Variants in CLN6 observed in about 807,000 individuals in gnomAD.
CLN6 encodes ceroid-lipofuscinosis neuronal protein 6.
In CLN6, 22 loss-of-function variants were observed where a neutral mutation model predicts 33.3. That is an observed-to-expected ratio of 0.66 (90% CI 0.47 to 0.94). CLN6 has a LOEUF of 0.94. CLN6 is among the 40% of genes least tolerant of loss of function. The probability of loss-of-function intolerance (pLI) is 0.00; values close to 1 mark genes in which losing one functional copy is unlikely to be tolerated. For missense variants in CLN6, 387 were observed against 417.1 expected, an observed-to-expected ratio of 0.93 and a Z score of 0.63; for synonymous variants, 201 against 174.6, an observed-to-expected ratio of 1.15 and a Z score of -1.19.
upstream of CLN6, among the ~76,000 whole-genome samples, chr15:68,232,403 C>A (rs957147012): frequency 6.6e-6 from 1 of 152,076 alleles, no homozygotes; most frequent in Non-Finnish European, 1.5e-5. This position sits in a 1 kb window ranked among gnomAD's most constrained non-coding sequence, Gnocchi z 4.7. Flanking sequence ...GTGATCTGCC[C>A]GCCTTAGTCT....
chr15:68,222,935 G>C (rs1017300479), intron 1 of CLN6, among the ~76,000 whole-genome samples: 7 of 152,102 alleles, frequency 4.6e-5, no homozygotes, highest in African/African-American at 1.7e-4. Context: ...CAGCATGCTC[G>C]TTAAGAGTCA....
At position 68,256,696 on chromosome 15, in the gene CLN6, C is replaced by T. The variant is rs1892440975; in HGVS notation, c.173G>A (p.Gly58Asp). 1.5e-6 allele frequency: 1 copy of T among 669,634 alleles called. No individual in the cohort carries two copies. 41.5% of individuals were successfully genotyped at this position (669,634 alleles called of 1,614,324 possible). ...TCATTGCCTTGAAACTTACTTTTTA[C>T]CTTTGAATTTGAGTTTTCTCAGCGA... is the stretch of plus-strand genomic sequence containing the variant. Residue 58 changes from glycine (G) to aspartate (D), a missense_variant, in exon 1 of 7, where the codon GGT (glycine) becomes GAT (aspartate). Physicochemically the swap from Gly to Asp is moderately conservative, Grantham distance 94. Transcript: ENST00000538696. This position sits in a 1 kb window ranked among gnomAD's most constrained non-coding sequence, Gnocchi z 4.1.
At position 68,236,275 on chromosome 15, in the gene CLN6, G is replaced by GA. The variant is rs200018217; in HGVS notation, c.180-17626dup. 6.1e-4 allele frequency among the ~76,000 whole-genome samples: 93 copies of GA among 151,944 alleles called. 2 individuals carry two copies. In the East Asian group the frequency reaches 0.013, roughly 21 times the overall value. On this transcript the variant is annotated intron_variant, in intron 1 of 6. Transcript: ENST00000538696. The surrounding 1 kb of genome is among the most constrained non-coding windows in gnomAD (Gnocchi z 4.5). ...TTTTAGGTATAGGACCAAGAGCTCT[G>GA]AAAAAAAAGTCCACAGAAAAACTTA...
In CLN6 at chr15:68,211,341, A is replaced by G. The variant is rs2093204483; in HGVS notation, c.487-23T>C. 1.9e-6 allele frequency: 3 copies of G among 1,613,580 alleles called. No homozygotes were observed. Among genetic ancestry groups the G allele is most frequent in the Middle Eastern group, 1.6e-4 (1 of 6,062 alleles). ...GATCTGAGGGAGGAACGGGCAGGGC[A>G]GAGTCGGGGGATGTCGATGTCAGTC... is the stretch of plus-strand genomic sequence containing the variant. On this transcript the variant is annotated intron_variant, in intron 4 of 6. Transcript: ENST00000249806. This position sits in a 1 kb window ranked among gnomAD's most constrained non-coding sequence, Gnocchi z 5.9.
intron 1 of CLN6, among the ~76,000 whole-genome samples, chr15:68,253,999 T>TC (rs1256048518): frequency 6.6e-6 from 1 of 151,678 alleles, no homozygotes; most frequent in Admixed American, 6.6e-5. Flanking sequence ...TGCCTCAGCC[T>TC]CCCGAGCAGC....
chr15:68,226,600 G>A (rs946799825), intron 1 of CLN6, among the ~76,000 whole-genome samples: 1 of 151,960 alleles, frequency 6.6e-6, no homozygotes, highest in African/African-American at 2.4e-5. Context: ...CCGAGTAGCT[G>A]GGACTACATG....
chr15:68,209,666 G>C lies in CLN6; in HGVS notation c.636C>G (p.Leu212=). The C allele has an allele frequency of 6.2e-7, 1 of 1,613,474 alleles. No homozygotes were observed. Among genetic ancestry groups the C allele is most frequent in the Non-Finnish European group, 8.5e-7 (1 of 1,179,952 alleles). ...AESLIPGPAL[L]LVAPSGLYYW... The stretch of plus-strand genomic sequence containing the variant: ...AGTACAGGCCACTGGGTGCCACCAG[G>C]AGCAGGGCAGGCCCTGGAATCAAGC... Residue 212 remains leucine (L), a synonymous_variant, in exon 6 of 7, where the codon CTC becomes CTG. Coordinates refer to ENST00000249806, the MANE Select transcript of CLN6 (RefSeq NM_017882.3). This position sits in a 1 kb window ranked among gnomAD's most constrained non-coding sequence, Gnocchi z 4.9.
At chr15:68,235,656 G>C (rs1188031328) in intron 1 of CLN6, among the ~76,000 whole-genome samples, 1 of 147,802 alleles carries the variant, frequency 6.8e-6, no homozygotes, top group Non-Finnish European at 1.5e-5. Flanking sequence ...GGAATACATA[G>C]GGCACAGGGC....
In CLN6 at chr15:68,211,546, G is replaced by A. The variant is rs1410107109; in HGVS notation, c.486+129C>T. On this transcript the variant is annotated intron_variant, in intron 4 of 6. Transcript: ENST00000249806. The surrounding 1 kb of genome is among the most constrained non-coding windows in gnomAD (Gnocchi z 5.9). ...GCATCCTAGCTTGGGGCAGGCGACAGTGCCCTCACCTAGCAGAATGCCTTT... is the reference window on the plus strand; with the variant it reads ...GCATCCTAGCTTGGGGCAGGCGACAATGCCCTCACCTAGCAGAATGCCTTT... 6 of 1,598,006 alleles carry A rather than the reference G, an allele frequency of 3.8e-6. No individual in the cohort carries two copies. Among genetic ancestry groups the A allele is most frequent in the Non-Finnish European group, 4.2e-6 (5 of 1,178,022 alleles).
chr15:68,239,910 C>T (rs2141161742), intron 1 of CLN6, among the ~76,000 whole-genome samples: 1 of 152,240 alleles, frequency 6.6e-6, no homozygotes, highest in East Asian at 1.9e-4. Flanking sequence ...AATCCACAAT[C>T]ATAGATTTAA....
intron 1 of CLN6, among the ~76,000 whole-genome samples, chr15:68,245,982 A>G (rs892251638): frequency 1.3e-5 from 2 of 152,200 alleles, no homozygotes; most frequent in African/African-American, 4.8e-5. Flanking sequence ...AGATCAATAT[A>G]TAATGATAAA....
intron 1 of CLN6, 133 bp downstream of exon 1, chr15:68,229,369 C>G (rs562359438): frequency 8.4e-5 from 51 of 610,218 alleles, no homozygotes; most frequent in African/African-American, 5.7e-4. Context: ...CCAAGCCCCC[C>G]GCGCTCCGCT....
In CLN6 at chr15:68,211,347, G is replaced by C; in HGVS notation, c.487-29C>G. On this transcript the variant is annotated intron_variant, in intron 4 of 6. Transcript: ENST00000249806. This position sits in a 1 kb window ranked among gnomAD's most constrained non-coding sequence, Gnocchi z 5.9. ...AGGGAGGAACGGGCAGGGCAGAGTC[G>C]GGGGATGTCGATGTCAGTCCAGGGA... 1 of 1,612,826 alleles carries C rather than the reference G, an allele frequency of 6.2e-7. No homozygotes were observed. The highest frequency in any genetic ancestry group is 8.5e-7 in the Non-Finnish European group (1 of 1,179,172).
At position 68,211,318 on chromosome 15, in the gene CLN6, T is replaced by C; in HGVS notation, c.487A>G (p.Ile163Val). 1 of 1,613,922 alleles carries C rather than the reference T, an allele frequency of 6.2e-7. No homozygotes were observed. Among genetic ancestry groups the C allele is most frequent in the South Asian group, 1.1e-5 (1 of 91,078 alleles). ...IIKNLKPETL[I>V]DSFELLYYYD... is the part of the protein sequence containing the mutation. ...TAGTAGAGCAGCTCAAAGGAGTCGA[T>C]CTGAGGGAGGAACGGGCAGGGCAGA... The change falls in exon 5 of 7, where the codon ATC (isoleucine) becomes GTC (valine). Residue 163 changes from isoleucine (I) to valine (V), a missense_variant and splice_region_variant. By Grantham distance (29) the Ile-to-Val change is conservative. Coordinates refer to ENST00000249806, the MANE Select transcript of CLN6 (RefSeq NM_017882.3). This position sits in a 1 kb window ranked among gnomAD's most constrained non-coding sequence, Gnocchi z 5.9.
At chr15:68,232,906 G>T (rs918308157), upstream of CLN6, among the ~76,000 whole-genome samples, 2 of 152,148 alleles carry the variant, frequency 1.3e-5, no homozygotes, top group East Asian at 3.8e-4. This position sits in a 1 kb window ranked among gnomAD's most constrained non-coding sequence, Gnocchi z 4.7. Flanking sequence ...ACTGGGTGTC[G>T]TGGCATGTGC....
chr15:68,210,825 C>T lies in CLN6; in HGVS notation c.542+438G>A, dbSNP rs989550871. Among the ~76,000 whole-genome samples the T allele has an allele frequency of 6.6e-6, 1 of 152,190 alleles. No individual in the cohort carries two copies. The highest frequency in any genetic ancestry group is 1.5e-5 in the Non-Finnish European group (1 of 68,014). ...CCAGCTGGCTCCCCGCAGCTTCCTC[C>T]ACTCCCAAAGAGCAGGCCCGACACG... On this transcript the variant is annotated intron_variant, in intron 5 of 6. Transcript: ENST00000249806. The surrounding 1 kb of genome is among the most constrained non-coding windows in gnomAD (Gnocchi z 5.6).
chr15:68,244,717 C>G (rs760700111), intron 1 of CLN6, among the ~76,000 whole-genome samples: 2 of 152,036 alleles, frequency 1.3e-5, no homozygotes, highest in Non-Finnish European at 2.9e-5. Context: ...AATATAAAGC[C>G]TAGAAGAGAA....
rs1892282363 is a variant in CLN6, at chr15:68,241,819, T to A, written c.179+14871A>T. ...CCTCCCCCATTTGGAACTTCAGTGT[T>A]CCAATTGTTTATTAGAGCCGAGGCA... On this transcript the variant is annotated intron_variant, in intron 1 of 6. Coordinates refer to the CLN6 transcript ENST00000538696. This position sits in a 1 kb window ranked among gnomAD's most constrained non-coding sequence, Gnocchi z 4.2. Among the ~76,000 whole-genome samples, 1 of 152,116 alleles carries A rather than the reference T, an allele frequency of 6.6e-6. No homozygotes were observed. The highest frequency in any genetic ancestry group is 1.5e-5 in the Non-Finnish European group (1 of 68,032).
chr15:68,233,960 GAGA>G (rs1470138350), upstream of CLN6, among the ~76,000 whole-genome samples: 1 of 152,218 alleles, frequency 6.6e-6, no homozygotes, highest in Non-Finnish European at 1.5e-5. This position sits in a 1 kb window ranked among gnomAD's most constrained non-coding sequence, Gnocchi z 4.3. Context: ...TGTGGGGAGA[GAGA>G]AGGTCCCCAG....
Sources: allele counts gnomAD v4.1 joint callset (sites outside exome capture counted in the v4.1 genomes callset), GRCh38; gene constraint gnomAD v4.1.1; non-coding constraint Gnocchi (gnomAD v3.1); transcripts MANE v1.5; gene names NCBI Gene and HGNC (gene_info 2026-07-23, HGNC 2026-07-21).